RBM33: variants seen among roughly 807,000 people sequenced by gnomAD.
The protein encoded by RBM33 is RNA-binding protein 33.
In RBM33, 28 loss-of-function variants were observed where a neutral mutation model predicts 132.6. The observed-to-expected ratio is 0.21, with a 90% CI of 0.16 to 0.29. The LOEUF (loss-of-function observed/expected upper bound fraction) is 0.29. RBM33 is among the 10% of genes least tolerant of loss of function. The probability of loss-of-function intolerance (pLI) is 1.00; values close to 1 mark genes in which losing one functional copy is unlikely to be tolerated. For missense variants in RBM33, 1,291 were observed against 1,518.5 expected, an observed-to-expected ratio of 0.85 and a Z score of 2.49; for synonymous variants, 634 against 593.0, an observed-to-expected ratio of 1.07 and a Z score of -1.01.
chr7:155,699,242 A>T (rs1799887829), intron 5 of RBM33, among the ~76,000 whole-genome samples: 1 of 152,054 alleles, frequency 6.6e-6, no homozygotes. Flanking sequence ...TTGCTACTCT[A>T]CTCAGTGTAG....
intron 14 of RBM33, among the ~76,000 whole-genome samples, chr7:155,758,163 T>C (rs754574868): frequency 2.0e-4 from 31 of 152,358 alleles, no homozygotes; most frequent in African/African-American, 2.9e-4. Context: ...TCAACAGATA[T>C]GAGCTATGGA....
chr7:155,657,328 A>C (rs1798520286), intron 1 of RBM33, among the ~76,000 whole-genome samples: 1 of 152,168 alleles, frequency 6.6e-6, no homozygotes, highest in Non-Finnish European at 1.5e-5. Context: ...AGGGATTCCT[A>C]ACCCTAGCTG....
chr7:155,740,752 C>T (rs919402758), intron 12 of RBM33, among the ~76,000 whole-genome samples: 1 of 152,076 alleles, frequency 6.6e-6, no homozygotes, highest in Non-Finnish European at 1.5e-5. Context: ...CACAGTGTGG[C>T]TAGTGGTCAG....
chr7:155,666,369 A>G (rs2116893592), intron 2 of RBM33, among the ~76,000 whole-genome samples: 1 of 152,314 alleles, frequency 6.6e-6, no homozygotes, highest in South Asian at 2.1e-4. Flanking sequence ...GTCTGCCCAC[A>G]TTGGTGAGGA....
In RBM33 at chr7:155,780,894, T is replaced by C. The variant is rs1384548292; in HGVS notation, c.*5853T>C. The C allele has an allele frequency of 6.5e-6, 1 of 152,794 alleles. No individual in the cohort carries two copies. Among genetic ancestry groups the C allele is most frequent in the Non-Finnish European group, 1.5e-5 (1 of 68,072 alleles). The allele number at this position is 152,794 out of a possible 1,614,324, so 9.5% of individuals were successfully genotyped here. ...ATTCTGTTGTTTTGCAGTTTGGCTC[T>C]GTAGGAGTGAGTGGCGATTCAAAGA... On this transcript the variant is annotated 3_prime_UTR_variant, in exon 18 of 18. Transcript: ENST00000401878.
chr7:155,691,714 C>T (rs1022853354), intron 5 of RBM33, among the ~76,000 whole-genome samples: 1 of 152,100 alleles, frequency 6.6e-6, no homozygotes, highest in African/African-American at 2.4e-5. Context: ...ACTTCAGTTC[C>T]TGGACAGTCC....
intron 1 of RBM33, among the ~76,000 whole-genome samples, chr7:155,652,452 C>A (rs890331668): frequency 6.6e-6 from 1 of 152,054 alleles, no homozygotes; most frequent in Non-Finnish European, 1.5e-5. Flanking sequence ...GTTTGCTGAC[C>A]CTTAGATTAG....
intron 5 of RBM33, among the ~76,000 whole-genome samples, chr7:155,683,920 T>G (rs1022644049): frequency 1.3e-5 from 2 of 152,242 alleles, no homozygotes; most frequent in Non-Finnish European, 2.9e-5. Flanking sequence ...TGGACTGTAC[T>G]GCATTGTACA....
intron 3 of RBM33, among the ~76,000 whole-genome samples, chr7:155,677,090 G>A (rs146796064): frequency 6.6e-6 from 1 of 152,134 alleles, no homozygotes; most frequent in Non-Finnish European, 1.5e-5. Context: ...CAGCCAAACT[G>A]AGGTTTGTCT....
At chr7:155,721,690 A>G (rs1800632837) in intron 9 of RBM33, among the ~76,000 whole-genome samples, 1 of 152,178 alleles carries the variant, frequency 6.6e-6, no homozygotes, top group East Asian at 1.9e-4. Context: ...AATTACAGAA[A>G]TTGAGGCACC....
chr7:155,737,420 G>T, intron 9 of RBM33, 110 bp from the exon 10 acceptor site: 1 of 1,059,120 alleles, frequency 9.4e-7, no homozygotes, highest in Non-Finnish European at 1.3e-6. Context: ...TAGGAGACAC[G>T]TTACTTGACA....
chr7:155,719,221 A>G (rs2116992079), intron 9 of RBM33, among the ~76,000 whole-genome samples: 1 of 152,138 alleles, frequency 6.6e-6, no homozygotes, highest in East Asian at 1.9e-4. Flanking sequence ...TACTGACCAT[A>G]AAATTTTAAT....
intron 14 of RBM33, among the ~76,000 whole-genome samples, chr7:155,759,640 C>G (rs1021921273): frequency 7.2e-5 from 11 of 152,052 alleles, no homozygotes; most frequent in African/African-American, 2.4e-4. Context: ...AGGATGGTCT[C>G]GATCTCCTGA....
Position 155,774,189 on chromosome 7 carries a change from G to T in RBM33, c.3376-370G>T, listed in dbSNP as rs1032304385. ...TCCTGTTCTTAAAAAATTCATGGGGGTCCCTATTAAAAATCACCTGATAAG... is the reference window on the plus strand; with the variant it reads ...TCCTGTTCTTAAAAAATTCATGGGGTTCCCTATTAAAAATCACCTGATAAG... On this transcript the variant is annotated intron_variant, in intron 16 of 17. Transcript: ENST00000401878. The surrounding 1 kb of genome is among the most constrained non-coding windows in gnomAD (Gnocchi z 4.2). Among the ~76,000 whole-genome samples the T allele has an allele frequency of 9.2e-5, 14 of 152,124 alleles. No homozygotes were observed. The highest frequency in any genetic ancestry group is 1.3e-4 in the Non-Finnish European group (9 of 68,018).
intron 5 of RBM33, among the ~76,000 whole-genome samples, chr7:155,683,267 C>T (rs993030691): frequency 6.6e-6 from 1 of 152,190 alleles, no homozygotes; most frequent in Admixed American, 6.5e-5. Context: ...TTATCTTGCT[C>T]GGCAATGGGA....
In RBM33 at chr7:155,745,593, G is replaced by A. The variant is rs957344018; in HGVS notation, c.2970G>A (p.Leu990=). 6.3e-7 allele frequency: 1 copy of A among 1,580,298 alleles called. No individual in the cohort carries two copies. The highest frequency in any genetic ancestry group is 8.6e-7 in the Non-Finnish European group (1 of 1,161,364). The change falls in exon 14 of 18, where the codon CTG becomes CTA. Residue 990 remains leucine, a synonymous_variant. Coordinates refer to ENST00000401878, the MANE Select transcript of RBM33 (RefSeq NM_053043.3). The surrounding 1 kb of genome is among the most constrained non-coding windows in gnomAD (Gnocchi z 4.1). ...HISSKVRVIK[L]SGGGGESDGF... is the part of the protein sequence containing the mutation. ...GCTCCAAGGTCAGGGTGATTAAGCTGTCAGGTGGGGTAAGTTGACAAGTTT... is the reference window on the plus strand; with the variant it reads ...GCTCCAAGGTCAGGGTGATTAAGCTATCAGGTGGGGTAAGTTGACAAGTTT...
chr7:155,646,972 C>A (rs952253081), intron 1 of RBM33, among the ~76,000 whole-genome samples: 1 of 152,176 alleles, frequency 6.6e-6, no homozygotes, highest in Non-Finnish European at 1.5e-5. Flanking sequence ...TTATGTTAGT[C>A]ATTTCCACGT....
At chr7:155,731,969 T>A (rs1306329829) in intron 9 of RBM33, among the ~76,000 whole-genome samples, 5 of 152,194 alleles carry the variant, frequency 3.3e-5, no homozygotes, top group Non-Finnish European at 7.3e-5. Flanking sequence ...TTGTTCTAAT[T>A]ATAGGCAAAA....
intron 1 of RBM33, among the ~76,000 whole-genome samples, chr7:155,651,395 T>A (rs1798348998): frequency 6.6e-6 from 1 of 152,104 alleles, no homozygotes; most frequent in Non-Finnish European, 1.5e-5. Flanking sequence ...TTCCTAATCA[T>A]TTTTTATGTG....
Sources: allele counts gnomAD v4.1 joint callset (sites outside exome capture counted in the v4.1 genomes callset), GRCh38; gene constraint gnomAD v4.1.1; non-coding constraint Gnocchi (gnomAD v3.1); transcripts MANE v1.5; gene names NCBI Gene and HGNC (gene_info 2026-07-23, HGNC 2026-07-21).